The following RGS6 variants were observed in gnomAD, a reference collection of about 807,000 sequenced individuals.
RGS6 encodes the protein regulator of G protein signaling 6, also known as regulator of G-protein signaling 6.
RGS6 carries 30 observed loss-of-function variants against 78.5 expected under a neutral mutation model. The observed-to-expected ratio is 0.38, with a 90% CI of 0.29 to 0.52. The LOEUF (loss-of-function observed/expected upper bound fraction) is 0.52, where lower values mean the gene tolerates loss of function less well. RGS6 is among the 20% of genes least tolerant of loss of function. The pLI is 0.85. For synonymous variants in RGS6, 206 were observed against 206.0 expected, an observed-to-expected ratio of 1.00 and a Z score of 0.00; for missense variants, 495 against 609.7, an observed-to-expected ratio of 0.81 and a Z score of 1.98.
intron 2 of RGS6, among the ~76,000 whole-genome samples, chr14:72,077,577 G>C (rs1024601739): frequency 6.6e-6 from 1 of 151,996 alleles, no homozygotes; most frequent in African/African-American, 2.4e-5. Flanking sequence ...AAACACTCTT[G>C]CCTAATTTGT....
intron 2 of RGS6, among the ~76,000 whole-genome samples, chr14:72,218,378 A>T (rs2046070595): frequency 6.6e-6 from 1 of 152,114 alleles, no homozygotes; most frequent in Admixed American, 6.6e-5. Flanking sequence ...TTAATGTATT[A>T]ATATGTTGTA....
chr14:72,056,243 C>A (rs765265599), intron 2 of RGS6, among the ~76,000 whole-genome samples: 27 of 152,124 alleles, frequency 1.8e-4, no homozygotes, highest in East Asian at 1.9e-4. Flanking sequence ...ACAGAGCTCC[C>A]TAGGGGACTA....
At chr14:72,602,399 C>G in the RGS6 span, among the ~76,000 whole-genome samples, 1 of 152,166 alleles carries the variant, frequency 6.6e-6, no homozygotes, top group Admixed American at 6.5e-5. Context: ...CTCACGGCAA[C>G]CCTACAAAGT....
the RGS6 span, among the ~76,000 whole-genome samples, chr14:72,591,123 C>T: frequency 6.6e-6 from 1 of 152,150 alleles, no homozygotes; most frequent in Admixed American, 6.5e-5. Flanking sequence ...TTTTATAATG[C>T]TATTTTGCCC....
chr14:72,218,589 T>G (rs530405979), intron 2 of RGS6, among the ~76,000 whole-genome samples: 2 of 152,136 alleles, frequency 1.3e-5, no homozygotes, highest in Admixed American at 6.6e-5. Context: ...GTTTTACATG[T>G]GTTTCTGTTT....
chr14:72,450,334 A>G (rs1337909849), intron 3 of RGS6, among the ~76,000 whole-genome samples: 3 of 152,232 alleles, frequency 2.0e-5, no homozygotes, highest in Non-Finnish European at 4.4e-5. Flanking sequence ...GTCATCTAAT[A>G]AACATGATTT....
At chr14:71,922,479 T>C in the RGS6 span, among the ~76,000 whole-genome samples, 6 of 152,198 alleles carry the variant, frequency 3.9e-5, no homozygotes, top group African/African-American at 1.4e-4. Flanking sequence ...CGAACAGCTT[T>C]CCCTCACACC....
At chr14:72,033,700 C>T (rs920545057) in intron 2 of RGS6, among the ~76,000 whole-genome samples, 2 of 152,150 alleles carry the variant, frequency 1.3e-5, no homozygotes, top group African/African-American at 4.8e-5. Context: ...TTCACACCAT[C>T]GTAAAGTTGA....
At chr14:72,537,984 C>T (rs1227797992) in intron 16 of RGS6, among the ~76,000 whole-genome samples, 1 of 152,204 alleles carries the variant, frequency 6.6e-6, no homozygotes, top group Non-Finnish European at 1.5e-5. Context: ...GAACTGGCAA[C>T]CTGCCTGGGA....
intron 3 of RGS6, among the ~76,000 whole-genome samples, chr14:72,353,577 G>A (rs2079562628): frequency 6.6e-6 from 1 of 152,222 alleles, no homozygotes; most frequent in Admixed American, 6.5e-5. Context: ...CAGGGCGAGT[G>A]TGACTGCAAA....
chr14:72,253,416 C>T (rs1324022674), intron 2 of RGS6, among the ~76,000 whole-genome samples: 2 of 152,202 alleles, frequency 1.3e-5, no homozygotes, highest in Non-Finnish European at 2.9e-5. Flanking sequence ...AGGCCAGAGA[C>T]CTGCCAACTT....
intron 2 of RGS6, among the ~76,000 whole-genome samples, chr14:72,129,619 T>G (rs148546840): frequency 1.3e-5 from 2 of 152,134 alleles, no homozygotes; most frequent in Non-Finnish European, 2.9e-5. Context: ...TGGCTCCGCT[T>G]GACTACAGGG....
chr14:72,327,649 C>T lies in RGS6; in HGVS notation c.85-24446C>T, dbSNP rs145205606. 7.2e-5 allele frequency among the ~76,000 whole-genome samples: 11 copies of T among 152,068 alleles called. 1 individual carries two copies. The highest frequency in any genetic ancestry group is 3.3e-4 in the Admixed American group (5 of 15,268). On this transcript the variant is annotated intron_variant, in intron 2 of 17. Coordinates refer to ENST00000553525, the MANE Select transcript of RGS6 (RefSeq NM_001204424.2). ...TCTAGATATTCACCAGTCCTTGGCACGACTAGAAAAAGATTTGAAGGACTA... is the reference window on the plus strand; with the variant it reads ...TCTAGATATTCACCAGTCCTTGGCATGACTAGAAAAAGATTTGAAGGACTA...
At chr14:72,460,437 A>G (rs1203618523) in intron 6 of RGS6, among the ~76,000 whole-genome samples, 3 of 152,236 alleles carry the variant, frequency 2.0e-5, no homozygotes, top group South Asian at 2.1e-4. Context: ...ATGCATTCTC[A>G]TATCTCCAGG....
At chr14:72,150,264 G>C (rs1005733382) in intron 2 of RGS6, among the ~76,000 whole-genome samples, 2 of 152,114 alleles carry the variant, frequency 1.3e-5, no homozygotes, top group Non-Finnish European at 2.9e-5. Context: ...TAGAACCAAG[G>C]AATGCCAGGA....
intron 2 of RGS6, among the ~76,000 whole-genome samples, chr14:72,030,089 T>C (rs1018934820): frequency 6.6e-6 from 1 of 152,200 alleles, no homozygotes; most frequent in Non-Finnish European, 1.5e-5. Flanking sequence ...ATGTTAATAT[T>C]AGTCTTTAAT....
chr14:71,980,328 C>T (rs1292594267), intron 2 of RGS6, among the ~76,000 whole-genome samples: 3 of 140,070 alleles, frequency 2.1e-5, no homozygotes, highest in East Asian at 4.2e-4. Flanking sequence ...TGATTTTGCT[C>T]GTTAGTTGAT....
At chr14:72,625,883 A>G in the RGS6 span, among the ~76,000 whole-genome samples, 1 of 152,206 alleles carries the variant, frequency 6.6e-6, no homozygotes, top group African/African-American at 2.4e-5. Context: ...ATTAGTCACA[A>G]TACACAGTCA....
intron 2 of RGS6, among the ~76,000 whole-genome samples, chr14:72,245,862 T>G (rs979717300): frequency 6.6e-6 from 1 of 152,182 alleles, no homozygotes; most frequent in African/African-American, 2.4e-5. Flanking sequence ...GATAGTCAAC[T>G]GGGAGAAACA....
Sources: gnomAD v4.1 joint callset for allele counts (sites outside exome capture counted in the v4.1 genomes callset) on GRCh38, gnomAD v4.1.1 for gene constraint, MANE v1.5 for transcripts, NCBI Gene and HGNC (gene_info 2026-07-23, HGNC 2026-07-21) for gene names.